The following LARGE1 variants were observed in gnomAD, a reference collection of about 807,000 sequenced individuals.
LARGE1 encodes LARGE xylosyl- and glucuronyltransferase 1, also known as xylosyl- and glucuronyltransferase LARGE1.
A neutral mutation model predicts 87.6 loss-of-function variants in LARGE1; 43 were observed. The observed-to-expected ratio is 0.49, with a 90% CI of 0.38 to 0.63. The LOEUF (loss-of-function observed/expected upper bound fraction) is 0.63, where lower values mean the gene tolerates loss of function less well. LARGE1 is among the 30% of genes least tolerant of loss of function. LARGE1 has a pLI of 0.00. For synonymous variants in LARGE1, 434 were observed against 394.6 expected (o/e 1.10, Z -1.18); for missense variants, 802 against 1,000.2 (o/e 0.80, Z 2.67).
chr22:33,219,590 A>T (rs909855677), intron 11 of LARGE1, among the ~76,000 whole-genome samples: 4 of 152,222 alleles, frequency 2.6e-5, no homozygotes, highest in African/African-American at 7.2e-5. Context: ...GTGAGCCAAT[A>T]GGGCATTTCT....
At chr22:33,766,582 G>A (rs987475035) in intron 1 of LARGE1, among the ~76,000 whole-genome samples, 5 of 151,896 alleles carry the variant, frequency 3.3e-5, no homozygotes, top group African/African-American at 7.3e-5. Context: ...CAGGCACCAC[G>A]TCCAGCTATT....
chr22:33,776,921 C>G (rs2085255931), intron 1 of LARGE1, among the ~76,000 whole-genome samples: 1 of 152,096 alleles, frequency 6.6e-6, no homozygotes, highest in African/African-American at 2.4e-5. Flanking sequence ...AGGCCAGGTC[C>G]AGGGCTGGAG....
At chr22:33,075,919 C>T in the LARGE1 span, among the ~76,000 whole-genome samples, 1 of 152,110 alleles carries the variant, frequency 6.6e-6, no homozygotes, top group Non-Finnish European at 1.5e-5. Context: ...TTAGACATAT[C>T]CTTAGAGAAT....
chr22:33,119,375 C>T, the LARGE1 span, among the ~76,000 whole-genome samples: 1 of 151,720 alleles, frequency 6.6e-6, no homozygotes, highest in Non-Finnish European at 1.5e-5. Context: ...AGCTTTTATC[C>T]ACCCAGTGAA....
chr22:33,241,558 A>G (rs1038613900), intron 11 of LARGE1, among the ~76,000 whole-genome samples: 40 of 151,774 alleles, frequency 2.6e-4, no homozygotes, highest in African/African-American at 8.5e-4. Flanking sequence ...ATGTATATGT[A>G]TATATGTGTA....
At chr22:33,820,296 T>C (rs4820115) in intron 1 of LARGE1, among the ~76,000 whole-genome samples, 2,629 of 152,294 alleles carry the variant, frequency 0.017, 29 homozygotes, top group South Asian at 0.043. Flanking sequence ...CCATAGCATA[T>C]TGCCATAACT....
intron 11 of LARGE1, among the ~76,000 whole-genome samples, chr22:33,265,413 G>C (rs558237498): frequency 2.6e-5 from 4 of 152,116 alleles, no homozygotes; most frequent in Non-Finnish European, 5.9e-5. Flanking sequence ...GCGCTCTCTC[G>C]TCTTGACACC....
the LARGE1 span, among the ~76,000 whole-genome samples, chr22:33,102,410 A>T: frequency 1.3e-5 from 2 of 151,744 alleles, no homozygotes; most frequent in Non-Finnish European, 1.5e-5. Flanking sequence ...TGACCTTGTG[A>T]CCTGCTCACC....
At chr22:33,381,867 C>A (rs1601644809) in intron 9 of LARGE1, 52 bp downstream of exon 9, 1 of 1,612,162 alleles carries the variant, frequency 6.2e-7, no homozygotes, top group South Asian at 1.1e-5. Context: ...CCTGGGAGGT[C>A]CTCTCGGCCC....
chr22:33,321,887 C>T (rs1234054914), intron 10 of LARGE1, among the ~76,000 whole-genome samples: 2 of 152,096 alleles, frequency 1.3e-5, no homozygotes, highest in African/African-American at 2.4e-5. Context: ...GGCACGATCT[C>T]GGCTCACTGC....
At chr22:33,421,019 C>G (rs1348433131) in intron 7 of LARGE1, among the ~76,000 whole-genome samples, 2 of 152,084 alleles carry the variant, frequency 1.3e-5, no homozygotes, top group Non-Finnish European at 2.9e-5. Context: ...GAAACCCCAT[C>G]TCTACCAAAA....
At chr22:33,578,297 T>A (rs1228174911) in intron 5 of LARGE1, among the ~76,000 whole-genome samples, 1 of 152,174 alleles carries the variant, frequency 6.6e-6, no homozygotes, top group African/African-American at 2.4e-5. Context: ...CCATTGTGCC[T>A]TTACTTCCAC....
intron 10 of LARGE1, among the ~76,000 whole-genome samples, chr22:33,328,150 G>T (rs556785878): frequency 2.3e-4 from 35 of 152,274 alleles, no homozygotes; most frequent in African/African-American, 7.9e-4. Flanking sequence ...TATGGGACAG[G>T]CATTGCAATT....
downstream of LARGE1, among the ~76,000 whole-genome samples, chr22:33,271,561 T>C (rs1928246238): frequency 6.6e-6 from 1 of 152,188 alleles, no homozygotes; most frequent in African/African-American, 2.4e-5. Flanking sequence ...AAAGCCAAGA[T>C]TAGTATTGGC....
intron 9 of LARGE1, among the ~76,000 whole-genome samples, chr22:33,346,298 C>T (rs1403244037): frequency 6.8e-6 from 1 of 146,880 alleles, no homozygotes; most frequent in East Asian, 2.0e-4. Context: ...CCTCCTCCTT[C>T]TTCTTTTTCT....
intron 11 of LARGE1, among the ~76,000 whole-genome samples, chr22:33,171,779 C>T (rs2146139055): frequency 6.6e-6 from 1 of 152,266 alleles, no homozygotes; most frequent in South Asian, 2.1e-4. Context: ...AGGGTAGAGC[C>T]CTCATGGAGA....
At chr22:33,311,261 C>T (rs1349297715) in intron 11 of LARGE1, among the ~76,000 whole-genome samples, 3 of 152,114 alleles carry the variant, frequency 2.0e-5, no homozygotes, top group Non-Finnish European at 2.9e-5. Flanking sequence ...CGCCCGGCCC[C>T]GGACTTTCTT....
intron 1 of LARGE1, among the ~76,000 whole-genome samples, chr22:33,835,613 G>GA (rs2063088985): frequency 6.6e-6 from 1 of 152,216 alleles, no homozygotes; most frequent in African/African-American, 2.4e-5. Flanking sequence ...AGACTTGCTG[G>GA]CACTAACTGC....
intron 6 of LARGE1, among the ~76,000 whole-genome samples, chr22:33,473,130 C>T (rs887194332): frequency 6.6e-6 from 1 of 151,884 alleles, no homozygotes; most frequent in South Asian, 2.1e-4. Flanking sequence ...ATGCATGATA[C>T]TTTCAAAATG....
Sources: allele counts gnomAD v4.1 joint callset (sites outside exome capture counted in the v4.1 genomes callset), GRCh38; gene constraint gnomAD v4.1.1; transcripts MANE v1.5; gene names NCBI Gene and HGNC (gene_info 2026-07-23, HGNC 2026-07-21).